PTPN20: variants seen among roughly 807,000 people sequenced by gnomAD.
PTPN20 encodes the protein protein tyrosine phosphatase non-receptor type 20, also known as tyrosine-protein phosphatase non-receptor type 20.
PTPN20 carries 9 observed loss-of-function variants against 35.0 expected under a neutral mutation model. The ratio of observed to expected loss-of-function variants is 0.26; its 90% confidence interval spans 0.15 to 0.45. The LOEUF (loss-of-function observed/expected upper bound fraction) is 0.45, where lower values mean the gene tolerates loss of function less well. Among genes scored for constraint, PTPN20 ranks in the 20% least tolerant of loss-of-function variants. The pLI is 1.00. For synonymous variants in PTPN20, 32 were observed against 100.2 expected (o/e 0.32, Z 4.06); for missense variants, 111 against 312.5 (o/e 0.36, Z 4.86).
intron 7 of PTPN20, among the ~76,000 whole-genome samples, chr10:46,977,660 T>A (rs2054189869): frequency 7.5e-6 from 1 of 132,714 alleles, no homozygotes. Flanking sequence ...GGCTAGTTAC[T>A]CCTAATGTAG....
intron 1 of PTPN20, among the ~76,000 whole-genome samples, chr10:46,925,733 C>G (rs1281108080): frequency 2.6e-5 from 4 of 151,326 alleles, no homozygotes; most frequent in African/African-American, 9.8e-5. Context: ...TCAGTTCAGA[C>G]AAGAATATTA....
At chr10:46,929,234 T>C (rs1345476590) in intron 1 of PTPN20, among the ~76,000 whole-genome samples, 1 of 118,528 alleles carries the variant, frequency 8.4e-6, no homozygotes, top group Non-Finnish European at 1.7e-5. Context: ...TAGTTTTTCT[T>C]TTATTTATGA....
chr10:46,997,683 C>T (rs2059377462), intron 9 of PTPN20, among the ~76,000 whole-genome samples: 2 of 147,786 alleles, frequency 1.4e-5, no homozygotes, highest in Admixed American at 1.3e-4. Context: ...GGCCTTGGAT[C>T]TAGAATTTAT....
At chr10:46,988,741 A>G (rs1459961861) in intron 9 of PTPN20, among the ~76,000 whole-genome samples, 3 of 151,996 alleles carry the variant, frequency 2.0e-5, no homozygotes, top group Admixed American at 6.5e-5. Context: ...ATTCATTAGC[A>G]TAGGATTATT....
At chr10:46,948,281 T>C (rs1457666313) in intron 5 of PTPN20, among the ~76,000 whole-genome samples, 7 of 151,758 alleles carry the variant, frequency 4.6e-5, no homozygotes, top group Non-Finnish European at 1.0e-4. Flanking sequence ...AACATGTTAA[T>C]GATAGTTATT....
chr10:46,947,212 G>GTATA lies in PTPN20; in HGVS notation c.340+557_340+560dup, dbSNP rs1163672605. On this transcript the variant is annotated intron_variant, in intron 5 of 10. Coordinates refer to ENST00000374339, the MANE Select transcript of PTPN20 (RefSeq NM_001042357.5). ...ATATACTTAACATATATGTGTATGTGTATATATATATATATATATATATTT... is the reference window on the plus strand; with the variant it reads ...ATATACTTAACATATATGTGTATGTGTATATATATATATATATATATATATATTT... Among the ~76,000 whole-genome samples the GTATA allele has an allele frequency of 4.2e-3, 539 of 128,920 alleles. 13 individuals carry two copies. The highest frequency in any genetic ancestry group is 0.011 in the East Asian group (39 of 3,598). The allele number at this position is 128,920 out of a possible 152,430, so 84.6% of individuals were successfully genotyped here.
intron 7 of PTPN20, among the ~76,000 whole-genome samples, chr10:46,977,451 A>G (rs1482482319): frequency 2.6e-5 from 4 of 152,286 alleles, no homozygotes; most frequent in Non-Finnish European, 5.9e-5. Context: ...TACTTCCCTA[A>G]TCTGATAAGA....
chr10:46,941,433 A>G (rs1373387853), intron 3 of PTPN20, among the ~76,000 whole-genome samples: 7 of 130,688 alleles, frequency 5.4e-5, no homozygotes, highest in Non-Finnish European at 9.3e-5. Context: ...ATTCTCTGCT[A>G]TACTTAAGTT....
At chr10:46,945,115 G>A (rs1379189119) in intron 4 of PTPN20, among the ~76,000 whole-genome samples, 1 of 140,214 alleles carries the variant, frequency 7.1e-6, no homozygotes, top group Non-Finnish European at 1.5e-5. Context: ...GTTGTAGGGT[G>A]TATGTGAGGT....
At chr10:46,952,387 T>G (rs1275697685) in intron 5 of PTPN20, among the ~76,000 whole-genome samples, 1 of 146,394 alleles carries the variant, frequency 6.8e-6, no homozygotes, top group East Asian at 2.1e-4. Context: ...TCTCCCCTTC[T>G]CCAAAAGTGT....
chr10:47,002,208 A>G lies in PTPN20; in HGVS notation c.*1467A>G, dbSNP rs981677437. On this transcript the variant is annotated 3_prime_UTR_variant, in exon 11 of 11. Transcript: ENST00000374339. ...TTCATTTTGATAATTGGCCTTTAAT[A>G]TTTGTATCTCTAATTTTATTTTCTC... 1 of 152,368 alleles carries G rather than the reference A, an allele frequency of 6.6e-6. No individual in the cohort carries two copies. Among genetic ancestry groups the G allele is most frequent in the East Asian group, 1.9e-4 (1 of 5,204 alleles). The allele number at this position is 152,368 out of a possible 1,614,324, so 9.4% of individuals were successfully genotyped here.
intron 5 of PTPN20, among the ~76,000 whole-genome samples, chr10:46,954,411 A>G (rs1481034332): frequency 6.7e-6 from 1 of 148,912 alleles, no homozygotes; most frequent in Non-Finnish European, 1.5e-5. Flanking sequence ...TTCAGCCCAT[A>G]ACAATATTCA....
chr10:46,996,436 A>G (rs1313491956), intron 9 of PTPN20, among the ~76,000 whole-genome samples: 8 of 152,186 alleles, frequency 5.3e-5, no homozygotes, highest in African/African-American at 1.9e-4. Context: ...TAATTTGCCT[A>G]ATCTTAAATT....
intron 9 of PTPN20, among the ~76,000 whole-genome samples, chr10:46,997,348 T>G (rs2059299598): frequency 3.3e-5 from 5 of 151,946 alleles, no homozygotes; most frequent in Admixed American, 3.3e-4. Context: ...ACTTATTAGC[T>G]CTTAGAGGTT....
intron 7 of PTPN20, among the ~76,000 whole-genome samples, chr10:46,977,293 C>T (rs2054038783): frequency 7.2e-5 from 11 of 152,298 alleles, no homozygotes. Context: ...CCAGTCCCCA[C>T]AATCATGAGT....
intron 7 of PTPN20, among the ~76,000 whole-genome samples, chr10:46,982,819 A>G (rs1176480760): frequency 0.017 from 2,512 of 152,204 alleles, 28 homozygotes; most frequent in Middle Eastern, 0.024. Flanking sequence ...ATATCTACAT[A>G]AATATGATGA....
At chr10:46,945,359 A>C (rs1259116392) in intron 4 of PTPN20, among the ~76,000 whole-genome samples, 1 of 152,096 alleles carries the variant, frequency 6.6e-6, no homozygotes, top group Non-Finnish European at 1.5e-5. Flanking sequence ...CAGTCAGTGG[A>C]GATTAATTAA....
chr10:46,925,753 C>G (rs1303161352), intron 1 of PTPN20, among the ~76,000 whole-genome samples: 6 of 151,554 alleles, frequency 4.0e-5, no homozygotes, highest in Non-Finnish European at 8.8e-5. Flanking sequence ...ATAACCATCA[C>G]TAATGGTCTT....
chr10:46,932,666 G>A, intron 2 of PTPN20, 133 bp downstream of exon 2: 6 of 1,519,222 alleles, frequency 3.9e-6, no homozygotes, highest in Non-Finnish European at 3.6e-6. Context: ...GTCTTGGTGG[G>A]GTGGGGTGGG....
Sources: allele counts gnomAD v4.1 joint callset (sites outside exome capture counted in the v4.1 genomes callset), GRCh38; gene constraint gnomAD v4.1.1; transcripts MANE v1.5; gene names NCBI Gene and HGNC (gene_info 2026-07-23, HGNC 2026-07-21).